STPG1: variants seen among roughly 807,000 people sequenced by gnomAD.
STPG1 encodes O(6)-methylguanine-induced apoptosis 2.
STPG1 carries 33 observed loss-of-function variants against 40.1 expected under a neutral mutation model. The ratio of observed to expected loss-of-function variants is 0.82; its 90% confidence interval spans 0.62 to 1.10. The LOEUF (loss-of-function observed/expected upper bound fraction) is 1.10, where lower values mean the gene tolerates loss of function less well. STPG1 is among the 50% of genes least tolerant of loss of function. The pLI is 0.00. For synonymous variants in STPG1, 150 were observed against 155.0 expected, an observed-to-expected ratio of 0.97 and a Z score of 0.24; for missense variants, 396 against 415.1, an observed-to-expected ratio of 0.95 and a Z score of 0.40.
intron 3 of STPG1, among the ~76,000 whole-genome samples, chr1:24,390,568 G>A (rs543366583): frequency 1.3e-5 from 2 of 151,900 alleles, no homozygotes; most frequent in African/African-American, 4.8e-5. Context: ...ACAGGTGTGC[G>A]CCACCACTCC....
intron 2 of STPG1, among the ~76,000 whole-genome samples, chr1:24,400,088 T>C (rs530630918): frequency 3.3e-4 from 51 of 152,354 alleles, no homozygotes; most frequent in African/African-American, 1.2e-3. Context: ...TTACAGAAGT[T>C]TTTATTCATA....
chr1:24,368,146 G>A (rs1465745977), intron 7 of STPG1, among the ~76,000 whole-genome samples: 1 of 152,212 alleles, frequency 6.6e-6, no homozygotes, highest in Non-Finnish European at 1.5e-5. Flanking sequence ...TACAAGGCCA[G>A]CCTGCAGAGC....
chr1:24,368,541 C>T (rs1422889256), intron 7 of STPG1, among the ~76,000 whole-genome samples: 6 of 152,016 alleles, frequency 3.9e-5, no homozygotes, highest in East Asian at 1.9e-4. Context: ...TAGAACCATT[C>T]GAGAAATAAA....
rs1643424865 is a variant in STPG1 at position 24,406,600 on chromosome 1, TTTTTC to T, written c.-68-5149_-68-5145del. 2.6e-5 allele frequency among the ~76,000 whole-genome samples: 4 copies of T among 152,090 alleles called. No homozygotes were observed. In the South Asian group the frequency reaches 8.3e-4, roughly 32 times the overall value. ...TTTTGTCTGTCTGAAATGGTCTTTA[TTTTTC>T]TTTTATTTTTGAAAATTATTTCCAC... On this transcript the variant is annotated intron_variant, in intron 1 of 8. Transcript: ENST00000337248.
intron 4 of STPG1, among the ~76,000 whole-genome samples, chr1:24,381,203 C>T: frequency 6.6e-6 from 1 of 152,194 alleles, no homozygotes; most frequent in East Asian, 1.9e-4. Flanking sequence ...CGACATGGCT[C>T]TGGGATAACA....
chr1:24,400,412 T>C (rs942160577), intron 2 of STPG1, among the ~76,000 whole-genome samples: 2 of 152,254 alleles, frequency 1.3e-5, no homozygotes, highest in African/African-American at 2.4e-5. Flanking sequence ...CTGCTGACAT[T>C]CTGTCTTGGT....
At chr1:24,369,571 G>T in intron 7 of STPG1, 103 bp downstream of exon 7, 1 of 1,280,702 alleles carries the variant, frequency 7.8e-7, no homozygotes, top group Non-Finnish European at 1.1e-6. Context: ...GAGTGGCCCG[G>T]CACTGTGCTC....
rs1491450021 is a variant in STPG1 at position 24,357,045 on chromosome 1, GGC to G, written c.*1496_*1497del. On this transcript the variant is annotated 3_prime_UTR_variant, in exon 9 of 9. Coordinates refer to ENST00000337248, the MANE Select transcript of STPG1 (RefSeq NM_001199013.2). ...TTTAATGCAATATTTTTAAAATTAA[GGC>G]CCCCCCCCCCAAAAAAAAAATCCAT... is the stretch of plus-strand genomic sequence containing the variant. 1.0e-5 allele frequency: 1 copy of G among 96,034 alleles called. No homozygotes were observed. The highest frequency in any genetic ancestry group is 4.3e-5 in the African/African-American group (1 of 23,166). 5.9% of individuals were successfully genotyped at this position (96,034 alleles called of 1,614,324 possible).
chr1:24,396,256 TC>T (rs981789770), intron 2 of STPG1, among the ~76,000 whole-genome samples: 14 of 141,998 alleles, frequency 9.9e-5, no homozygotes, highest in African/African-American at 3.5e-4. Flanking sequence ...TGTCTATCTA[TC>T]TATCCATCTA....
At chr1:24,386,688 C>T (rs992761726) in intron 3 of STPG1, among the ~76,000 whole-genome samples, 26 of 152,204 alleles carry the variant, frequency 1.7e-4, no homozygotes, top group Admixed American at 1.4e-3. Flanking sequence ...AGAGGCCTTT[C>T]GCCTGTGCAA....
chr1:24,380,731 A>G (rs1227681986), intron 4 of STPG1, among the ~76,000 whole-genome samples: 1 of 152,118 alleles, frequency 6.6e-6, no homozygotes, highest in East Asian at 1.9e-4. Flanking sequence ...GGGGTGTAGC[A>G]CCAGAAGCGG....
At chr1:24,386,648 C>T (rs958665156) in intron 3 of STPG1, among the ~76,000 whole-genome samples, 27 of 152,230 alleles carry the variant, frequency 1.8e-4, no homozygotes, top group African/African-American at 6.0e-4. Flanking sequence ...TCTCCTGTGA[C>T]TTCTAGAGGT....
chr1:24,361,390 T>C (rs1641107390), intron 7 of STPG1, among the ~76,000 whole-genome samples: 1 of 152,062 alleles, frequency 6.6e-6, no homozygotes, highest in Admixed American at 6.5e-5. Flanking sequence ...CGTGTATATC[T>C]CATGTGCCAA....
chr1:24,392,844 G>A (rs770786786), intron 2 of STPG1, among the ~76,000 whole-genome samples: 21 of 116,986 alleles, frequency 1.8e-4, no homozygotes, highest in Non-Finnish European at 2.3e-4. Context: ...GAGGAAATAC[G>A]CGCAGAAATG....
At chr1:24,374,616 T>C (rs1189885626) in intron 5 of STPG1, among the ~76,000 whole-genome samples, 1 of 151,108 alleles carries the variant, frequency 6.6e-6, no homozygotes, top group African/African-American at 2.4e-5. Context: ...TTCATTATTG[T>C]TGCTACTTTT....
At chr1:24,366,514 T>G (rs1169621931) in intron 7 of STPG1, among the ~76,000 whole-genome samples, 3 of 152,226 alleles carry the variant, frequency 2.0e-5, no homozygotes, top group Admixed American at 2.0e-4. Flanking sequence ...AGATAAATGT[T>G]TTTTTTAGAA....
intron 1 of STPG1, among the ~76,000 whole-genome samples, chr1:24,408,475 C>T (rs528104282): frequency 6.6e-6 from 1 of 152,302 alleles, no homozygotes; most frequent in African/African-American, 2.4e-5. Flanking sequence ...AGGGTTCTCC[C>T]TATAAATTCT....
chr1:24,414,019 TAAA>T (rs1367090929), upstream of STPG1: 1 of 152,078 alleles, frequency 6.6e-6, no homozygotes, highest in Non-Finnish European at 1.5e-5. Flanking sequence ...GGAATATACC[TAAA>T]AGAATTAACA....
At chr1:24,368,764 G>A (rs1641588888) in intron 7 of STPG1, 1 of 152,320 alleles carries the variant, frequency 6.6e-6, no homozygotes, top group Non-Finnish European at 1.5e-5. Flanking sequence ...GAGTGCAGTG[G>A]CGCAATCTCG....
Sources: allele counts gnomAD v4.1 joint callset (sites outside exome capture counted in the v4.1 genomes callset), GRCh38; gene constraint gnomAD v4.1.1; transcripts MANE v1.5; gene names NCBI Gene and HGNC (gene_info 2026-07-23, HGNC 2026-07-21).